GABRA2: variants seen among roughly 807,000 people sequenced by gnomAD.
GABRA2 encodes the protein gamma-aminobutyric acid type A receptor subunit alpha2.
GABRA2 carries 16 observed loss-of-function variants against 48.7 expected under a neutral mutation model. The observed-to-expected ratio is 0.33, with a 90% CI of 0.22 to 0.50. The LOEUF is 0.50. Among genes scored for constraint, GABRA2 ranks in the 20% least tolerant of loss-of-function variants. GABRA2 has a pLI of 0.98. For missense variants in GABRA2, 275 were observed against 535.6 expected, an observed-to-expected ratio of 0.51 and a Z score of 4.80; for synonymous variants, 185 against 184.5, an observed-to-expected ratio of 1.00 and a Z score of -0.02.
intron 3 of GABRA2, chr4:46,365,283 C>G (rs941824071): frequency 5.3e-5 from 8 of 151,986 alleles, no homozygotes; most frequent in African/African-American, 1.9e-4. Flanking sequence ...CAAGAAATAC[C>G]ATGAAATTTA....
At chr4:46,276,343 C>T (rs1184025570) in intron 8 of GABRA2, among the ~76,000 whole-genome samples, 1 of 151,874 alleles carries the variant, frequency 6.6e-6, no homozygotes. Context: ...TAAAAATGTA[C>T]AATACGACAC....
chr4:46,330,082 A>C (rs1031015734), intron 4 of GABRA2, among the ~76,000 whole-genome samples: 7 of 152,222 alleles, frequency 4.6e-5, no homozygotes, highest in African/African-American at 1.4e-4. Context: ...TATAAAAAGA[A>C]AACTAAAAAA....
intron 8 of GABRA2, among the ~76,000 whole-genome samples, chr4:46,278,516 TTAACTC>T (rs1485042407): frequency 6.6e-6 from 1 of 152,156 alleles, no homozygotes; most frequent in Admixed American, 6.5e-5. Context: ...TATTAAAAGA[TTAACTC>T]TATATTGCTT....
chr4:46,274,910 C>T (rs1720185088), intron 8 of GABRA2, among the ~76,000 whole-genome samples: 1 of 151,916 alleles, frequency 6.6e-6, no homozygotes, highest in Admixed American at 6.6e-5. Context: ...GAAACCAAAA[C>T]CAAGGATGCA....
chr4:46,264,658 T>C (rs537247274), intron 8 of GABRA2, among the ~76,000 whole-genome samples: 7 of 152,144 alleles, frequency 4.6e-5, no homozygotes, highest in African/African-American at 9.6e-5. Context: ...TTGTGATTCC[T>C]TTCTCTAGTT....
intron 4 of GABRA2, among the ~76,000 whole-genome samples, chr4:46,313,989 G>T (rs529933928): frequency 6.6e-6 from 1 of 152,136 alleles, no homozygotes; most frequent in African/African-American, 2.4e-5. Context: ...ACTAACAAGT[G>T]AAAATCCTAG....
At chr4:46,290,723 T>C (rs981553147) in intron 8 of GABRA2, among the ~76,000 whole-genome samples, 15 of 152,148 alleles carry the variant, frequency 9.9e-5, no homozygotes, top group African/African-American at 3.4e-4. Context: ...AATAATTATA[T>C]AGTAATGAAA....
At chr4:46,281,102 G>A (rs766216402) in intron 8 of GABRA2, among the ~76,000 whole-genome samples, 2 of 152,142 alleles carry the variant, frequency 1.3e-5, no homozygotes, top group Non-Finnish European at 2.9e-5. Context: ...GTAATCCAAA[G>A]GAGATATGAT....
At chr4:46,330,604 A>G (rs1351428737) in intron 4 of GABRA2, among the ~76,000 whole-genome samples, 9 of 149,650 alleles carry the variant, frequency 6.0e-5, no homozygotes, top group African/African-American at 2.2e-4. Flanking sequence ...AGAGAGAGAG[A>G]GAGAGATGTT....
chr4:46,324,439 T>A (rs1475632832), intron 4 of GABRA2, among the ~76,000 whole-genome samples: 1 of 151,996 alleles, frequency 6.6e-6, no homozygotes, highest in African/African-American at 2.4e-5. Flanking sequence ...GCATACAAGT[T>A]CTTTGTGGCT....
intron 2 of GABRA2, among the ~76,000 whole-genome samples, chr4:46,387,578 C>A (rs1016196794): frequency 2.0e-5 from 3 of 152,078 alleles, no homozygotes; most frequent in African/African-American, 7.2e-5. Context: ...AAACCAATAA[C>A]TAAGATGTTC....
chr4:46,273,894 C>T (rs1489928569), intron 8 of GABRA2, among the ~76,000 whole-genome samples: 1 of 151,946 alleles, frequency 6.6e-6, no homozygotes, highest in African/African-American at 2.4e-5. Flanking sequence ...GGGCATGTTC[C>T]CGAGTTTAAG....
chr4:46,364,510 A>G (rs1713730274), intron 3 of GABRA2: 1 of 152,176 alleles, frequency 6.6e-6, no homozygotes, highest in South Asian at 2.1e-4. Flanking sequence ...AAATCAAGGT[A>G]TGGGTGTGCT....
chr4:46,261,802 T>C, intron 9 of GABRA2, 124 bp downstream of exon 9: 2 of 837,246 alleles, frequency 2.4e-6, no homozygotes, highest in South Asian at 3.1e-5. Context: ...TAAAAGAAAT[T>C]GATATGATTC....
intron 8 of GABRA2, among the ~76,000 whole-genome samples, chr4:46,298,634 T>C (rs1725183361): frequency 6.6e-6 from 1 of 152,014 alleles, no homozygotes; most frequent in South Asian, 2.1e-4. Flanking sequence ...AGGCTCTATG[T>C]TAATAACTGT....
At chr4:46,326,102 C>T (rs934614477) in intron 4 of GABRA2, among the ~76,000 whole-genome samples, 3 of 151,716 alleles carry the variant, frequency 2.0e-5, no homozygotes, top group Admixed American at 6.6e-5. Flanking sequence ...ATTTATTTTC[C>T]AATTATGTTA....
chr4:46,365,636 T>C (rs537324792), intron 3 of GABRA2: 2 of 152,150 alleles, frequency 1.3e-5, no homozygotes, highest in Non-Finnish European at 2.9e-5. Flanking sequence ...CTATAAATGT[T>C]AGTTATTTTA....
At chr4:46,324,463 C>T (rs1391434350) in intron 4 of GABRA2, among the ~76,000 whole-genome samples, 1 of 151,870 alleles carries the variant, frequency 6.6e-6, no homozygotes, top group African/African-American at 2.4e-5. Context: ...CCAAAGACAG[C>T]CTCAAAACTT....
intron 8 of GABRA2, among the ~76,000 whole-genome samples, chr4:46,288,002 C>T (rs1394328799): frequency 1.3e-5 from 2 of 152,070 alleles, no homozygotes; most frequent in Non-Finnish European, 2.9e-5. Flanking sequence ...AGAGCTTATG[C>T]AGGGAAACAC....
Sources: gnomAD v4.1 joint callset for allele counts (sites outside exome capture counted in the v4.1 genomes callset) on GRCh38, gnomAD v4.1.1 for gene constraint, MANE v1.5 for transcripts, NCBI Gene and HGNC (gene_info 2026-07-23, HGNC 2026-07-21) for gene names.